The following SCARB2 variants were observed in gnomAD, a reference collection of about 807,000 sequenced individuals.
SCARB2 encodes lysosome membrane protein 2.
In SCARB2, 29 loss-of-function variants were observed where a neutral mutation model predicts 58.6. That is an observed-to-expected ratio of 0.49 (90% CI 0.37 to 0.67). SCARB2 has a LOEUF of 0.67. SCARB2 is among the 30% of genes least tolerant of loss of function. The probability of loss-of-function intolerance (pLI) is 0.00; values close to 1 mark genes in which losing one functional copy is unlikely to be tolerated. For missense variants in SCARB2, 488 were observed against 578.5 expected, an observed-to-expected ratio of 0.84 and a Z score of 1.60; for synonymous variants, 195 against 210.1, an observed-to-expected ratio of 0.93 and a Z score of 0.62.
rs888589574 is a variant in SCARB2, at chr4:76,175,903, C to G, written c.712G>C (p.Asp238His). The G allele has an allele frequency of 6.2e-7, 1 of 1,613,712 alleles. No homozygotes were observed. Among genetic ancestry groups the G allele is most frequent in the Non-Finnish European group, 8.5e-7 (1 of 1,179,958 alleles). The change falls in exon 6 of 12, where the codon GAC becomes CAC. Residue 238 changes from aspartate (D) to histidine (H), a missense_variant. Physicochemically the swap from Asp to His is moderately conservative, Grantham distance 81. Transcript: ENST00000264896. ...TTGCACTTGTCTGTTATCCACCAGT[C>G]AAGTGACCTATAATTGATAAGCACA... ...IVEWNGKTSL[D>H]WWITDKCNMI...
At chr4:76,201,658 G>A (rs1489620472) in intron 1 of SCARB2, among the ~76,000 whole-genome samples, 2 of 152,174 alleles carry the variant, frequency 1.3e-5, no homozygotes, top group Non-Finnish European at 2.9e-5. Flanking sequence ...TTTCTTAGCT[G>A]CAAATATTAT....
At chr4:76,222,844 T>C (rs1733332646) in intron 1 of SCARB2, among the ~76,000 whole-genome samples, 2 of 152,186 alleles carry the variant, frequency 1.3e-5, no homozygotes, top group Admixed American at 6.5e-5. Context: ...CATGGAGGAC[T>C]AGTAAGCCCC....
intron 2 of SCARB2, chr4:76,195,224 G>T (rs1732687918): frequency 1.3e-5 from 2 of 158,790 alleles, no homozygotes; most frequent in African/African-American, 4.8e-5. Flanking sequence ...AATTATCTGG[G>T]TGTGGTGGTG....
intron 1 of SCARB2, among the ~76,000 whole-genome samples, chr4:76,226,720 CAG>C (rs1350071456): frequency 1.3e-5 from 2 of 152,198 alleles, no homozygotes; most frequent in South Asian, 2.1e-4. Context: ...CTGGTCTGTT[CAG>C]AGTTTCCATT....
chr4:76,206,873 A>G (rs12508223), intron 1 of SCARB2, among the ~76,000 whole-genome samples: 98,774 of 151,734 alleles, frequency 0.65, 34,163 homozygotes, highest in East Asian at 0.99. Context: ...CCAAACTCCT[A>G]TTTTTAACAC....
chr4:76,165,016 T>C (rs1731972711), intron 10 of SCARB2: 2 of 152,168 alleles, frequency 1.3e-5, no homozygotes, highest in Admixed American at 1.3e-4. Flanking sequence ...AAATACAAGG[T>C]TCCACTCCAC....
chr4:76,213,642 T>C lies in SCARB2; in HGVS notation c.-99A>G. On this transcript the variant is annotated 5_prime_UTR_variant, in exon 1 of 12. Coordinates refer to ENST00000264896, the MANE Select transcript of SCARB2 (RefSeq NM_005506.4). Reference sequence around the variant, plus strand: ...CAGAGGCGTCGAAGACCCGGGACCCTTCGGCGCCACGCCCACGCCCTCCCG... The same window carrying C: ...CAGAGGCGTCGAAGACCCGGGACCCCTCGGCGCCACGCCCACGCCCTCCCG... The C allele has an allele frequency of 1.1e-6, 1 of 921,320 alleles. No homozygotes were observed. Among genetic ancestry groups the C allele is most frequent in the Non-Finnish European group, 1.7e-6 (1 of 584,876 alleles). 57.1% of individuals were successfully genotyped at this position (921,320 alleles called of 1,614,324 possible).
chr4:76,214,163 A>C (rs1733150478), upstream of SCARB2: 2 of 451,106 alleles, frequency 4.4e-6, no homozygotes, highest in Non-Finnish European at 8.9e-6. Flanking sequence ...TGGGGATTCA[A>C]GGTGGCTGGG....
chr4:76,219,781 G>T (rs913524246), intron 1 of SCARB2, among the ~76,000 whole-genome samples: 10 of 151,994 alleles, frequency 6.6e-5, no homozygotes, highest in African/African-American at 2.2e-4. Context: ...GTAAAAATAA[G>T]CCCCGCCCCT....
intron 7 of SCARB2, among the ~76,000 whole-genome samples, chr4:76,172,500 G>C (rs1343460028): frequency 2.0e-5 from 3 of 151,944 alleles, no homozygotes; most frequent in Non-Finnish European, 2.9e-5. Context: ...TGAGCCTCCT[G>C]CTTCAGCCTC....
intron 8 of SCARB2, 56 bp from the exon 9 acceptor site, chr4:76,168,532 T>G (rs1221963373): frequency 3.8e-5 from 55 of 1,431,470 alleles, no homozygotes; most frequent in Middle Eastern, 1.8e-4. Flanking sequence ...TGCAAACAAC[T>G]TTTTCAATAG....
intron 1 of SCARB2, among the ~76,000 whole-genome samples, chr4:76,220,208 C>A (rs1049892258): frequency 1.3e-5 from 2 of 152,138 alleles, no homozygotes; most frequent in African/African-American, 4.8e-5. Context: ...ACTTGTAAAC[C>A]AGTGTTCATA....
At chr4:76,207,267 T>C (rs1042912782) in intron 1 of SCARB2, among the ~76,000 whole-genome samples, 3 of 152,242 alleles carry the variant, frequency 2.0e-5, no homozygotes, top group African/African-American at 7.2e-5. Context: ...TCTTCTGTTT[T>C]AAACATTTCT....
At chr4:76,221,713 C>T (rs1366448036) in intron 1 of SCARB2, among the ~76,000 whole-genome samples, 1 of 152,200 alleles carries the variant, frequency 6.6e-6, no homozygotes, top group East Asian at 1.9e-4. Context: ...ATCAAACACA[C>T]ACGGACACAA....
chr4:76,207,342 C>A (rs1732949240), intron 1 of SCARB2, among the ~76,000 whole-genome samples: 1 of 152,136 alleles, frequency 6.6e-6, no homozygotes. Flanking sequence ...AACATAAGTT[C>A]TTTGGGGTCC....
chr4:76,199,327 T>C (rs2109963768), intron 1 of SCARB2, among the ~76,000 whole-genome samples: 1 of 152,344 alleles, frequency 6.6e-6, no homozygotes, highest in East Asian at 1.9e-4. Flanking sequence ...CCAGTTAAAT[T>C]TGTATTTCAG....
intron 4 of SCARB2, among the ~76,000 whole-genome samples, chr4:76,178,474 G>A (rs746878549): frequency 2.0e-5 from 3 of 152,168 alleles, no homozygotes; most frequent in Non-Finnish European, 4.4e-5. Flanking sequence ...TTAGCAACAA[G>A]ATCTACTTGG....
chr4:76,209,296 A>T (rs1732992530), intron 1 of SCARB2, among the ~76,000 whole-genome samples: 1 of 152,218 alleles, frequency 6.6e-6, no homozygotes, highest in African/African-American at 2.4e-5. Flanking sequence ...TTTGACTTTA[A>T]AAAACAAGAT....
At chr4:76,229,931 C>T (rs10222765) in intron 1 of SCARB2, among the ~76,000 whole-genome samples, 18,501 of 152,170 alleles carry the variant, frequency 0.12, 1,491 homozygotes, top group East Asian at 0.41. Flanking sequence ...GTTATTCTGT[C>T]ATTAATTGCT....
Sources: gnomAD v4.1 joint callset for allele counts (sites outside exome capture counted in the v4.1 genomes callset) on GRCh38, gnomAD v4.1.1 for gene constraint, MANE v1.5 for transcripts, NCBI Gene and HGNC (gene_info 2026-07-23, HGNC 2026-07-21) for gene names.